Variants in XKR6 observed in about 807,000 individuals in gnomAD.
The protein encoded by XKR6 is XK-related protein 6.
In XKR6, 22 loss-of-function variants were observed where a neutral mutation model predicts 56.7. That is an observed-to-expected ratio of 0.39 (90% CI 0.28 to 0.55). The LOEUF is 0.55. Among genes scored for constraint, XKR6 ranks in the 20% least tolerant of loss-of-function variants. The pLI is 0.66. For synonymous variants in XKR6, 524 were observed against 387.8 expected (o/e 1.35, Z -4.13); for missense variants, 852 against 889.0 (o/e 0.96, Z 0.53).
chr8:11,106,591 G>C (rs1303796758), intron 1 of XKR6: 1 of 152,448 alleles, frequency 6.6e-6, no homozygotes, highest in Non-Finnish European at 1.5e-5. Context: ...GCTCATGCCT[G>C]TAATCCCAGC....
At chr8:11,118,230 G>A (rs1294473319) in intron 1 of XKR6, among the ~76,000 whole-genome samples, 1 of 118,900 alleles carries the variant, frequency 8.4e-6, no homozygotes, top group Admixed American at 9.6e-5. Context: ...CCAACTGTCT[G>A]TCAAGGGGAA....
intron 1 of XKR6, among the ~76,000 whole-genome samples, chr8:11,006,199 G>T (rs963181456): frequency 2.6e-5 from 4 of 152,202 alleles, no homozygotes; most frequent in Non-Finnish European, 5.9e-5. Flanking sequence ...ATTGGTGATT[G>T]ATTCACTAGA....
intron 1 of XKR6, among the ~76,000 whole-genome samples, chr8:11,146,488 G>C (rs1376586586): frequency 6.6e-6 from 1 of 152,156 alleles, no homozygotes; most frequent in Admixed American, 6.5e-5. Flanking sequence ...AATTAGATGA[G>C]CATGGTGGCA....
At chr8:11,067,631 C>T (rs902862498) in intron 1 of XKR6, among the ~76,000 whole-genome samples, 1 of 152,260 alleles carries the variant, frequency 6.6e-6, no homozygotes, top group African/African-American at 2.4e-5. Flanking sequence ...TGATTCTCTT[C>T]CTGTTACCAG....
chr8:10,992,289 A>T (rs112625461), intron 1 of XKR6, among the ~76,000 whole-genome samples: 1,258 of 122,546 alleles, frequency 0.01, 11 homozygotes, highest in African/African-American at 0.06. Context: ...TCTCTCTCTC[A>T]CACACACACA....
chr8:11,015,783 G>A (rs1372665524), intron 1 of XKR6, among the ~76,000 whole-genome samples: 1 of 152,184 alleles, frequency 6.6e-6, no homozygotes, highest in Non-Finnish European at 1.5e-5. Flanking sequence ...GGGAGGGGAA[G>A]GAGGGAAACC....
At chr8:10,963,301 C>T (rs979615575) in intron 1 of XKR6, among the ~76,000 whole-genome samples, 3 of 152,256 alleles carry the variant, frequency 2.0e-5, no homozygotes, top group Admixed American at 1.3e-4. Flanking sequence ...GTCAGTGTGT[C>T]AGCGAGGCCT....
At chr8:10,938,147 G>T (rs142569010) in intron 1 of XKR6, among the ~76,000 whole-genome samples, 1 of 152,300 alleles carries the variant, frequency 6.6e-6, no homozygotes, top group African/African-American at 2.4e-5. Flanking sequence ...ATATTCGGGT[G>T]GGAGTGACCC....
chr8:10,911,030 C>G (rs1463795360), intron 2 of XKR6, among the ~76,000 whole-genome samples: 2 of 152,128 alleles, frequency 1.3e-5, no homozygotes, highest in African/African-American at 4.8e-5. Flanking sequence ...TTGACAGAGG[C>G]AGTGAGATGC....
At chr8:11,114,147 C>T (rs575546502) in intron 1 of XKR6, 9 of 405,544 alleles carry the variant, frequency 2.2e-5, no homozygotes, top group Admixed American at 1.1e-4. Flanking sequence ...AAATCTCTAA[C>T]ATGACACTAA....
chr8:11,147,327 C>G (rs529830733), intron 1 of XKR6, among the ~76,000 whole-genome samples: 1 of 152,172 alleles, frequency 6.6e-6, no homozygotes, highest in East Asian at 1.9e-4. Flanking sequence ...CCAAACAACT[C>G]AAAACATGTG....
intron 1 of XKR6, among the ~76,000 whole-genome samples, chr8:10,977,317 C>A (rs933953491): frequency 2.6e-5 from 4 of 152,152 alleles, no homozygotes; most frequent in Admixed American, 1.3e-4. Context: ...TGGTCTCCCC[C>A]ATCCCAGGGA....
intron 1 of XKR6, among the ~76,000 whole-genome samples, chr8:11,194,160 T>A (rs1394267699): frequency 6.6e-6 from 1 of 152,192 alleles, no homozygotes; most frequent in African/African-American, 2.4e-5. Context: ...AATCTGAAAT[T>A]CCCTCTTTAA....
chr8:11,102,525 G>A (rs115302488), intron 1 of XKR6, among the ~76,000 whole-genome samples: 14 of 152,188 alleles, frequency 9.2e-5, no homozygotes, highest in Non-Finnish European at 1.6e-4. Context: ...CAGGAAGCAA[G>A]AATGGAAGGG....
At chr8:10,988,363 T>C (rs944795658) in intron 1 of XKR6, among the ~76,000 whole-genome samples, 1 of 152,262 alleles carries the variant, frequency 6.6e-6, no homozygotes, top group Admixed American at 6.5e-5. Flanking sequence ...TCGCTCTCTC[T>C]GAAATACTCA....
At chr8:11,141,093 G>T (rs55884158) in intron 1 of XKR6, among the ~76,000 whole-genome samples, 3,499 of 152,156 alleles carry the variant, frequency 0.023, 152 homozygotes, top group African/African-American at 0.078. Context: ...AAGTCGACAT[G>T]GTACAACAAT....
intron 1 of XKR6, among the ~76,000 whole-genome samples, chr8:11,141,066 C>G (rs186229730): frequency 1.3e-5 from 2 of 152,206 alleles, no homozygotes; most frequent in South Asian, 2.1e-4. Context: ...GATTACAACA[C>G]GTAATGGTTA....
chr8:11,063,642 T>G (rs2129164758), intron 1 of XKR6, among the ~76,000 whole-genome samples: 1 of 152,304 alleles, frequency 6.6e-6, no homozygotes, highest in Non-Finnish European at 1.5e-5. Context: ...CAAGCCTGGC[T>G]TGGGTAGGGG....
chr8:11,035,086 T>C (rs1799104705), intron 1 of XKR6: 4 of 428,934 alleles, frequency 9.3e-6, no homozygotes, highest in South Asian at 7.0e-5. Flanking sequence ...GGTTTCCTCA[T>C]CTGTAAAATG....
Sources: gnomAD v4.1 joint callset for allele counts (sites outside exome capture counted in the v4.1 genomes callset) on GRCh38, gnomAD v4.1.1 for gene constraint, MANE v1.5 for transcripts, NCBI Gene and HGNC (gene_info 2026-07-23, HGNC 2026-07-21) for gene names.